ROBO2: variants seen among roughly 807,000 people sequenced by gnomAD.
ROBO2 encodes roundabout guidance receptor 2.
Under a neutral mutation model 160.8 loss-of-function variants are expected in ROBO2, and 53 were observed. The observed-to-expected ratio is 0.33, with a 90% CI of 0.26 to 0.41. The LOEUF (loss-of-function observed/expected upper bound fraction) is 0.41, where lower values mean the gene tolerates loss of function less well. ROBO2 is among the 10% of genes least tolerant of loss of function. ROBO2 has a pLI of 1.00. For missense variants in ROBO2, 1,577 were observed against 1,722.4 expected, an observed-to-expected ratio of 0.92 and a Z score of 1.49; for synonymous variants, 664 against 611.7, an observed-to-expected ratio of 1.09 and a Z score of -1.26.
At position 76,477,300 on chromosome 3, in the gene ROBO2, G is replaced by A. The variant is rs866927691; in HGVS notation, c.109+539698G>A. On this transcript the variant is annotated intron_variant, in intron 2 of 26. Coordinates refer to the ROBO2 transcript ENST00000487694. The stretch of plus-strand genomic sequence containing the variant: ...AAAGATTAAAAAACATATTTTTCTC[G>A]CCAATCTGTCACTTAGGAATGATAA... Among the ~76,000 whole-genome samples the A allele has an allele frequency of 4.5e-4, 69 of 151,946 alleles. 1 individual carries two copies. The Middle Eastern group carries it at 0.01, about 22-fold the overall frequency.
intron 2 of ROBO2, among the ~76,000 whole-genome samples, chr3:77,385,009 T>C (rs1329420456): frequency 6.6e-6 from 1 of 151,806 alleles, no homozygotes; most frequent in East Asian, 1.9e-4. Flanking sequence ...ATATGAAGGG[T>C]TTTTTGTTTG....
chr3:76,311,523 C>G (rs937109075), intron 2 of ROBO2: 28 of 152,180 alleles, frequency 1.8e-4, no homozygotes, highest in Admixed American at 1.8e-3. Flanking sequence ...TGTCTGAAAT[C>G]AGGTTTTTAT....
intron 2 of ROBO2, among the ~76,000 whole-genome samples, chr3:77,410,565 T>TC (rs1188827429): frequency 7.2e-6 from 1 of 138,046 alleles, no homozygotes; most frequent in Non-Finnish European, 1.6e-5. Flanking sequence ...TTCCTCCTCT[T>TC]CTTCCTCCTC....
At chr3:77,266,343 G>T (rs2059123210) in intron 2 of ROBO2, among the ~76,000 whole-genome samples, 1 of 151,856 alleles carries the variant, frequency 6.6e-6, no homozygotes, top group Non-Finnish European at 1.5e-5. Context: ...AAGTTTCAGG[G>T]CTCTCCTGAT....
At chr3:77,469,142 G>A (rs2083090360) in intron 2 of ROBO2, among the ~76,000 whole-genome samples, 1 of 152,168 alleles carries the variant, frequency 6.6e-6, no homozygotes, top group African/African-American at 2.4e-5. Flanking sequence ...GAATTATTAT[G>A]CGATGTCAGT....
chr3:76,624,737 G>T (rs1174534540), intron 2 of ROBO2, among the ~76,000 whole-genome samples: 1 of 142,048 alleles, frequency 7.0e-6, no homozygotes, highest in African/African-American at 2.6e-5. Context: ...GGCTGAGCTT[G>T]CAGTGAACTG....
intron 2 of ROBO2, among the ~76,000 whole-genome samples, chr3:76,159,534 C>G (rs747165070): frequency 6.6e-6 from 1 of 152,068 alleles, no homozygotes; most frequent in Non-Finnish European, 1.5e-5. Flanking sequence ...TATTAAAAGA[C>G]TTGTGTCAAA....
intron 2 of ROBO2, among the ~76,000 whole-genome samples, chr3:76,916,619 G>A (rs1219858784): frequency 6.6e-6 from 1 of 150,842 alleles, no homozygotes; most frequent in African/African-American, 2.4e-5. Flanking sequence ...GATTACAGAC[G>A]AGAGACACCA....
At chr3:76,388,940 C>G (rs1056211034) in intron 2 of ROBO2, among the ~76,000 whole-genome samples, 7 of 151,986 alleles carry the variant, frequency 4.6e-5, no homozygotes, top group Admixed American at 1.3e-4. Context: ...ACTTTCTGTG[C>G]CCACTTTAAT....
chr3:77,597,998 C>A (rs2094345874), intron 19 of ROBO2, among the ~76,000 whole-genome samples: 1 of 152,064 alleles, frequency 6.6e-6, no homozygotes. Flanking sequence ...ATCCAGCCTG[C>A]TGCTGGATGA....
At position 77,572,939 on chromosome 3, in the gene ROBO2, AC is replaced by A. The variant is rs1397047372; in HGVS notation, c.1972-1559del. 1.6e-4 allele frequency among the ~76,000 whole-genome samples: 25 copies of A among 152,160 alleles called. No homozygotes were observed. The East Asian group carries it at 4.8e-3, about 29-fold the overall frequency. ...AGTTGAAACAAATTTCAAATGCTGA[AC>A]AAATTTCAAATTTCTTGGATAAAGA... On this transcript the variant is annotated intron_variant, in intron 13 of 25. Transcript: ENST00000461745.
rs181419638 is a variant in ROBO2 at position 76,033,236 on chromosome 3, T to C, written c.109+95634T>C. 2.6e-5 allele frequency among the ~76,000 whole-genome samples: 4 copies of C among 152,292 alleles called. No homozygotes were observed. In the East Asian group the frequency reaches 7.7e-4, roughly 29 times the overall value. Reference sequence around the variant, plus strand: ...AGTTTAGAGCTTTCTATGTATTTTCTATTTCTTTCTTTAGACAATATTACC... The same window carrying C: ...AGTTTAGAGCTTTCTATGTATTTTCCATTTCTTTCTTTAGACAATATTACC... On this transcript the variant is annotated intron_variant, in intron 2 of 26. Coordinates refer to the ROBO2 transcript ENST00000487694.
At chr3:77,536,526 T>C (rs2153638918) in intron 6 of ROBO2, among the ~76,000 whole-genome samples, 1 of 152,188 alleles carries the variant, frequency 6.6e-6, no homozygotes, top group South Asian at 2.1e-4. Context: ...AGTTACTCTT[T>C]TGCTTAGTAT....
chr3:76,127,687 A>G (rs2071045131), intron 2 of ROBO2, among the ~76,000 whole-genome samples: 1 of 151,942 alleles, frequency 6.6e-6, no homozygotes, highest in Admixed American at 6.6e-5. Flanking sequence ...TTTATCAACG[A>G]GTGAACTCTA....
At chr3:77,490,101 T>G (rs1415078494) in intron 4 of ROBO2, among the ~76,000 whole-genome samples, 5 of 145,694 alleles carry the variant, frequency 3.4e-5, no homozygotes, top group Admixed American at 2.0e-4. Flanking sequence ...GTATTTTACT[T>G]TTTTTTTTTT....
In ROBO2 at chr3:77,222,953, T is replaced by TTTG. The variant is rs1401301821; in HGVS notation, c.388+124613_388+124614insTTG. The stretch of plus-strand genomic sequence containing the variant: ...TATGCATGAACTGTTGTTTTGGTAA[T>TTTG]CCACTTCACCCTGTCAAAATAGAAT... On this transcript the variant is annotated intron_variant, in intron 2 of 25. Transcript: ENST00000461745. 2.0e-5 allele frequency among the ~76,000 whole-genome samples: 3 copies of TTTG among 152,188 alleles called. No homozygotes were observed. In the East Asian group the frequency reaches 5.8e-4, roughly 29 times the overall value.
chr3:75,933,665 A>G (rs1313526601), intron 1 of ROBO2, among the ~76,000 whole-genome samples: 1 of 152,172 alleles, frequency 6.6e-6, no homozygotes, highest in Non-Finnish European at 1.5e-5. Context: ...AACTTTATAC[A>G]TACATAATAT....
chr3:76,753,475 T>C (rs2060793401), intron 2 of ROBO2, among the ~76,000 whole-genome samples: 2 of 151,898 alleles, frequency 1.3e-5, no homozygotes. Context: ...ATCCACAGTA[T>C]GCTTCCTTAG....
chr3:76,007,486 G>A (rs985178058), intron 2 of ROBO2, among the ~76,000 whole-genome samples: 2 of 152,112 alleles, frequency 1.3e-5, no homozygotes, highest in South Asian at 2.1e-4. Flanking sequence ...TATGTTAAGT[G>A]TAGATACATT....
Sources: allele counts gnomAD v4.1 joint callset (sites outside exome capture counted in the v4.1 genomes callset), GRCh38; gene constraint gnomAD v4.1.1; transcripts MANE v1.5; gene names NCBI Gene and HGNC (gene_info 2026-07-23, HGNC 2026-07-21).